Variants in PPP2R5C observed in about 807,000 individuals in gnomAD.
PPP2R5C encodes protein phosphatase 2 regulatory subunit B'gamma.
Under a neutral mutation model 68.9 loss-of-function variants are expected in PPP2R5C, and 7 were observed. That is an observed-to-expected ratio of 0.10 (90% CI 0.06 to 0.19). PPP2R5C has a LOEUF of 0.19. Ranked by LOEUF, PPP2R5C falls within the 10% of genes least tolerant of loss-of-function variation. The pLI, the probability that PPP2R5C is intolerant of heterozygous loss-of-function variation, is 1.00. For missense variants in PPP2R5C, 348 were observed against 641.3 expected (o/e 0.54, Z 4.94); for synonymous variants, 210 against 222.2 (o/e 0.95, Z 0.49).
At chr14:101,817,440 T>C (rs991969769) in intron 1 of PPP2R5C, among the ~76,000 whole-genome samples, 1 of 152,204 alleles carries the variant, frequency 6.6e-6, no homozygotes, top group African/African-American at 2.4e-5. Context: ...TGCCAGCCAG[T>C]GTTGGTCCTC....
chr14:101,808,998 C>T (rs551446917), upstream of PPP2R5C, among the ~76,000 whole-genome samples: 1 of 152,178 alleles, frequency 6.6e-6, no homozygotes, highest in East Asian at 1.9e-4. Flanking sequence ...AAATTTAGAT[C>T]TGAATAGCAG....
At chr14:101,898,022 T>C (rs2045457625) in intron 8 of PPP2R5C, among the ~76,000 whole-genome samples, 1 of 151,274 alleles carries the variant, frequency 6.6e-6, no homozygotes. Flanking sequence ...TAGCTGGGCA[T>C]GGTGACATGT....
At chr14:101,858,254 C>T (rs1015424407) in intron 2 of PPP2R5C, among the ~76,000 whole-genome samples, 19 of 152,164 alleles carry the variant, frequency 1.2e-4, no homozygotes, top group Admixed American at 6.5e-5. Context: ...ACTCTAGCCC[C>T]AGAATCATAA....
At chr14:101,784,512 G>GGGA (rs1217716369) in intron 2 of PPP2R5C, among the ~76,000 whole-genome samples, 1 of 142,444 alleles carries the variant, frequency 7.0e-6, no homozygotes, top group African/African-American at 2.9e-5. Context: ...AGAGAAAGTG[G>GGGA]GGGGGGGGAA....
intron 2 of PPP2R5C, among the ~76,000 whole-genome samples, chr14:101,778,571 G>A (rs543447347): frequency 2.6e-5 from 4 of 152,068 alleles, no homozygotes; most frequent in South Asian, 2.1e-4. Flanking sequence ...TGTTGAAATC[G>A]TTTTTTTCCT....
At chr14:101,761,771 C>T, upstream of PPP2R5C, 1 of 958,718 alleles carries the variant, frequency 1.0e-6, no homozygotes, top group South Asian at 4.8e-5. Flanking sequence ...AAGCGAAAGA[C>T]TCAGTCCCCG....
chr14:101,841,841 C>T (rs980997193), intron 1 of PPP2R5C, among the ~76,000 whole-genome samples: 2 of 152,178 alleles, frequency 1.3e-5, no homozygotes, highest in African/African-American at 4.8e-5. Flanking sequence ...TGGAGTCGTG[C>T]AGTCCCTCAC....
intron 2 of PPP2R5C, among the ~76,000 whole-genome samples, chr14:101,768,250 A>T (rs955507695): frequency 1.3e-5 from 2 of 152,090 alleles, no homozygotes; most frequent in African/African-American, 2.4e-5. Context: ...AAATATGTAC[A>T]TTTGCTTACA....
At chr14:101,890,841 C>T (rs1463158173) in intron 6 of PPP2R5C, among the ~76,000 whole-genome samples, 2 of 140,634 alleles carry the variant, frequency 1.4e-5, no homozygotes, top group African/African-American at 5.3e-5. Flanking sequence ...GGCACGATCT[C>T]GGCTCACTGC....
At chr14:101,912,553 T>TGG (rs58436253) in intron 12 of PPP2R5C, 80 bp downstream of exon 14, 346 of 1,415,726 alleles carry the variant, frequency 2.4e-4, no homozygotes, top group South Asian at 1.9e-3. Flanking sequence ...GTCTTCACCA[T>TGG]GGGGGGGGTC....
chr14:101,786,427 GA>G (rs2038091950), intron 3 of PPP2R5C, among the ~76,000 whole-genome samples: 1 of 151,964 alleles, frequency 6.6e-6, no homozygotes, highest in Admixed American at 6.6e-5. Flanking sequence ...ATACACTAAG[GA>G]AACAGGAAAA....
chr14:101,787,766 CAAAAAAAAA>C (rs756927904), intron 3 of PPP2R5C, among the ~76,000 whole-genome samples: 1 of 69,286 alleles, frequency 1.4e-5, no homozygotes, highest in Non-Finnish European at 3.0e-5. Flanking sequence ...GACTCCATCT[CAAAAAAAAA>C]AAAAAAAAAA....
intron 2 of PPP2R5C, among the ~76,000 whole-genome samples, chr14:101,777,849 T>C (rs1177724213): frequency 1.3e-5 from 2 of 152,158 alleles, no homozygotes; most frequent in Non-Finnish European, 2.9e-5. Flanking sequence ...GATGGCTCAC[T>C]GCAGCCTTGA....
At chr14:101,785,280 C>A (rs924014774) in intron 2 of PPP2R5C, among the ~76,000 whole-genome samples, 4 of 152,200 alleles carry the variant, frequency 2.6e-5, no homozygotes, top group African/African-American at 9.7e-5. Context: ...CCTTGCACCA[C>A]TGTACAAGTT....
chr14:101,856,941 G>A, intron 2 of PPP2R5C, 56 bp downstream of exon 4: 5 of 1,524,260 alleles, frequency 3.3e-6, no homozygotes, highest in Non-Finnish European at 3.6e-6. Context: ...AACAGGACAG[G>A]CCAAGATCTC....
rs1308499387 is a variant in PPP2R5C at position 101,888,290 on chromosome 14, G to A, written c.630-1947G>A. ...AAAGGGAGCCTGCAGGGTGAGTTTC[G>A]TAAATTAAAGCACCTCTCGGTGTAG... On this transcript the variant is annotated intron_variant, in intron 5 of 13. Transcript: ENST00000334743. This position sits in a 1 kb window ranked among gnomAD's most constrained non-coding sequence, Gnocchi z 5.6. 2.0e-5 allele frequency among the ~76,000 whole-genome samples: 3 copies of A among 152,046 alleles called. No individual in the cohort carries two copies. The highest frequency in any genetic ancestry group is 1.9e-4 in the East Asian group (1 of 5,168).
intron 13 of PPP2R5C, chr14:101,921,170 C>A: frequency 4.0e-6 from 1 of 250,356 alleles, no homozygotes; most frequent in South Asian, 3.2e-5. Context: ...TGGACTCAAG[C>A]AATCCGCCCA....
At chr14:101,889,332 A>G (rs1488734576) in intron 5 of PPP2R5C, among the ~76,000 whole-genome samples, 1 of 152,154 alleles carries the variant, frequency 6.6e-6, no homozygotes, top group African/African-American at 2.4e-5. Flanking sequence ...GACCAATCCC[A>G]GGTGCACGAG....
intron 2 of PPP2R5C, among the ~76,000 whole-genome samples, chr14:101,773,292 G>C (rs1040519238): frequency 6.6e-6 from 1 of 152,094 alleles, no homozygotes; most frequent in Non-Finnish European, 1.5e-5. Flanking sequence ...TCAATACCAT[G>C]ATGACAACCA....
Sources: allele counts gnomAD v4.1 joint callset (sites outside exome capture counted in the v4.1 genomes callset), GRCh38; gene constraint gnomAD v4.1.1; non-coding constraint Gnocchi (gnomAD v3.1); transcripts MANE v1.5; gene names NCBI Gene and HGNC (gene_info 2026-07-23, HGNC 2026-07-21).